Variants in SORCS1 observed in about 807,000 individuals in gnomAD.
SORCS1 encodes the protein VPS10 domain-containing receptor SorCS1.
Under a neutral mutation model 146.1 loss-of-function variants are expected in SORCS1, and 60 were observed. That is an observed-to-expected ratio of 0.41 (90% CI 0.33 to 0.51). SORCS1 has a LOEUF of 0.51. Among genes scored for constraint, SORCS1 ranks in the 20% least tolerant of loss-of-function variants. SORCS1 has a pLI of 0.21. For synonymous variants in SORCS1, 637 were observed against 584.0 expected (o/e 1.09, Z -1.31); for missense variants, 1,352 against 1,487.6 (o/e 0.91, Z 1.50).
intron 9 of SORCS1, among the ~76,000 whole-genome samples, chr10:106,690,027 G>C (rs1274278368): frequency 1.3e-5 from 2 of 152,230 alleles, no homozygotes; most frequent in Non-Finnish European, 2.9e-5. Context: ...GGTGCATTCT[G>C]TGCAATCAGT....
intron 3 of SORCS1, among the ~76,000 whole-genome samples, chr10:106,780,977 CTTTTT>C (rs3045084): frequency 6.8e-6 from 1 of 146,084 alleles, no homozygotes; most frequent in South Asian, 2.2e-4. Context: ...GTCACTTCTC[CTTTTT>C]TTTTTTTTTG....
chr10:106,752,791 G>A (rs116093566), intron 5 of SORCS1, among the ~76,000 whole-genome samples: 2 of 152,046 alleles, frequency 1.3e-5, no homozygotes, highest in Admixed American at 1.3e-4. Context: ...GAGGAAGTGG[G>A]CAGGGATAAT....
At chr10:106,968,070 C>T (rs1310014183) in intron 1 of SORCS1, among the ~76,000 whole-genome samples, 1 of 150,316 alleles carries the variant, frequency 6.7e-6, no homozygotes, top group African/African-American at 2.5e-5. Flanking sequence ...GTTAGCTGGG[C>T]GTGGTGGCGG....
At chr10:106,763,026 T>C (rs1419309897) in intron 4 of SORCS1, among the ~76,000 whole-genome samples, 1 of 152,166 alleles carries the variant, frequency 6.6e-6, no homozygotes, top group Non-Finnish European at 1.5e-5. Flanking sequence ...TACTTCTTTC[T>C]ATAAGTTTAA....
chr10:107,087,158 T>C (rs1211011414), intron 1 of SORCS1, among the ~76,000 whole-genome samples: 2 of 152,188 alleles, frequency 1.3e-5, no homozygotes, highest in Non-Finnish European at 2.9e-5. Context: ...CGTCTTGGGG[T>C]TGTCTTTGGT....
At chr10:106,629,495 AGCCCTG>A (rs1848308397) in intron 18 of SORCS1, 107 bp from the exon 19 acceptor site, 3 of 1,089,960 alleles carry the variant, frequency 2.8e-6, no homozygotes, top group Admixed American at 4.4e-5. Flanking sequence ...GCATGATGGC[AGCCCTG>A]GCTCACTCCT....
chr10:106,607,970 C>A (rs7910584), intron 22 of SORCS1, among the ~76,000 whole-genome samples: 99,844 of 152,088 alleles, frequency 0.66, 35,355 homozygotes, highest in Non-Finnish European at 0.79. Flanking sequence ...ACTGACTCTT[C>A]TGTTAAAATT....
At chr10:106,681,916 T>G (rs1465728600) in intron 10 of SORCS1, among the ~76,000 whole-genome samples, 1 of 152,062 alleles carries the variant, frequency 6.6e-6, no homozygotes, top group African/African-American at 2.4e-5. Flanking sequence ...TCACTTGAGG[T>G]CAGGAGTTCG....
rs1956008127 is a variant in SORCS1 at position 106,976,333 on chromosome 10, G to GTTTGTTT, written c.559-19754_559-19753insAAACAAA. Reference sequence around the variant, plus strand: ...ATCAACTCATCATCTAGGTTTTTTTGTTTTTTTTTTTTTTTTGAGACGGAG... The same window carrying GTTTGTTT: ...ATCAACTCATCATCTAGGTTTTTTTGTTTGTTTTTTTTTTTTTTTTTTTGAGACGGAG... On this transcript the variant is annotated intron_variant, in intron 1 of 25. Coordinates refer to ENST00000263054, the MANE Select transcript of SORCS1 (RefSeq NM_052918.5). Among the ~76,000 whole-genome samples, 4 of 113,802 alleles carry GTTTGTTT rather than the reference G, an allele frequency of 3.5e-5. No individual in the cohort carries two copies. The East Asian group carries it at 7.4e-4, about 21-fold the overall frequency. The allele number at this position is 113,802 out of a possible 152,430, so 74.7% of individuals were successfully genotyped here.
chr10:106,672,906 C>T lies in SORCS1; in HGVS notation c.2020G>A (p.Ala674Thr). 6.2e-7 allele frequency: 1 copy of T among 1,614,120 alleles called. No individual in the cohort carries two copies. The highest frequency in any genetic ancestry group is 8.5e-7 in the Non-Finnish European group (1 of 1,179,988). Residue 674 changes from alanine to threonine, a missense_variant, in exon 15 of 26, where the codon GCC (alanine) becomes ACC (threonine). By Grantham distance (58) the Ala-to-Thr change is moderately conservative. Around this residue, in one of 3 missense-constraint regions of SORCS1, gnomAD observed 648 missense variants for 793.8 expected, o/e 0.82. Coordinates refer to ENST00000263054, the MANE Select transcript of SORCS1 (RefSeq NM_052918.5). ...DYKSIFDRRC[A>T]EEDYRPWQLH... ...TGCCAAGGTCTGTAGTCCTCTTCGG[C>T]ACACCGTCTATCAAAAATGGACTTG...
At chr10:107,087,544 G>A (rs927170921) in intron 1 of SORCS1, among the ~76,000 whole-genome samples, 1 of 152,176 alleles carries the variant, frequency 6.6e-6, no homozygotes, top group East Asian at 1.9e-4. Context: ...CATATCTTGA[G>A]TCATTGTAAA....
chr10:107,041,841 G>A (rs1438362723), intron 1 of SORCS1, among the ~76,000 whole-genome samples: 2 of 151,994 alleles, frequency 1.3e-5, no homozygotes, highest in African/African-American at 4.8e-5. Context: ...AAAGTGCCTC[G>A]ATTTCTTTAT....
At chr10:106,978,376 G>A (rs1956121822) in intron 1 of SORCS1, among the ~76,000 whole-genome samples, 1 of 152,174 alleles carries the variant, frequency 6.6e-6, no homozygotes, top group Non-Finnish European at 1.5e-5. Context: ...GTCTTTATGT[G>A]TATAATAAAG....
At chr10:107,011,201 G>C (rs1177405700) in intron 1 of SORCS1, among the ~76,000 whole-genome samples, 2 of 152,002 alleles carry the variant, frequency 1.3e-5, no homozygotes, top group Admixed American at 1.3e-4. Context: ...CTCTTTCTTG[G>C]GTCTGTTTTA....
intron 13 of SORCS1, among the ~76,000 whole-genome samples, chr10:106,676,861 A>T (rs1852066865): frequency 6.6e-6 from 1 of 152,168 alleles, no homozygotes; most frequent in African/African-American, 2.4e-5. Context: ...AGTATCAAGG[A>T]GCTGAAACTT....
At chr10:106,633,968 T>C (rs1161136005) in intron 18 of SORCS1, among the ~76,000 whole-genome samples, 1 of 152,168 alleles carries the variant, frequency 6.6e-6, no homozygotes, top group Non-Finnish European at 1.5e-5. Flanking sequence ...GGTCTTCTTG[T>C]GGTCGGATAC....
At chr10:107,131,942 C>A (rs1966886278) in intron 1 of SORCS1, among the ~76,000 whole-genome samples, 1 of 152,164 alleles carries the variant, frequency 6.6e-6, no homozygotes, top group Non-Finnish European at 1.5e-5. Flanking sequence ...CTCCGTCCAA[C>A]AATGAACCAC....
chr10:106,704,787 C>G (rs912449187), intron 8 of SORCS1, among the ~76,000 whole-genome samples: 4 of 152,152 alleles, frequency 2.6e-5, no homozygotes, highest in African/African-American at 9.7e-5. Context: ...TCCACATCCC[C>G]CTTGAACAAC....
intron 2 of SORCS1, among the ~76,000 whole-genome samples, chr10:106,872,181 T>C (rs1307435622): frequency 6.6e-6 from 1 of 152,240 alleles, no homozygotes; most frequent in African/African-American, 2.4e-5. Context: ...TGGAGCATAC[T>C]ACTTTATATA....
Sources: gnomAD v4.1 joint callset for allele counts (sites outside exome capture counted in the v4.1 genomes callset) on GRCh38, gnomAD v4.1.1 for gene constraint, gnomAD v4.1.1 regional missense constraint, MANE v1.5 for transcripts, NCBI Gene and HGNC (gene_info 2026-07-23, HGNC 2026-07-21) for gene names.